STIM1: variants seen among roughly 807,000 people sequenced by gnomAD.
STIM1 encodes stromal interaction molecule 1.
Under a neutral mutation model 74.7 loss-of-function variants are expected in STIM1, and 25 were observed. That is an observed-to-expected ratio of 0.33 (90% CI 0.24 to 0.47). The LOEUF is 0.47. STIM1 is among the 20% of genes least tolerant of loss of function. STIM1 has a pLI of 1.00. For missense variants in STIM1, 728 were observed against 920.8 expected (o/e 0.79, Z 2.71); for synonymous variants, 328 against 348.8 (o/e 0.94, Z 0.66).
At chr11:3,980,287 CTTGT>C (rs2093489347) in intron 2 of STIM1, among the ~76,000 whole-genome samples, 1 of 152,138 alleles carries the variant, frequency 6.6e-6, no homozygotes, top group South Asian at 2.1e-4. Flanking sequence ...CTTACTTTTG[CTTGT>C]TTAATTAATC....
At chr11:4,014,433 G>C (rs2093875007) in intron 2 of STIM1, among the ~76,000 whole-genome samples, 1 of 152,206 alleles carries the variant, frequency 6.6e-6, no homozygotes, top group South Asian at 2.1e-4. Flanking sequence ...TGTGATTTCT[G>C]TTCTTTTACA....
rs57908154 is a variant in STIM1 at position 3,904,196 on chromosome 11, C to CA, written c.139+47810dup. 3.9e-3 allele frequency among the ~76,000 whole-genome samples: 291 copies of CA among 73,816 alleles called. 3 individuals are homozygous for CA. The highest frequency in any genetic ancestry group is 0.011 in the African/African-American group (199 of 17,410). The allele number at this position is 73,816 out of a possible 152,430, so 48.4% of individuals were successfully genotyped here. A position where few individuals can be genotyped will look rare whatever the true frequency, so the allele number is the denominator to read the frequency against. On this transcript the variant is annotated intron_variant, in intron 1 of 12. Coordinates refer to ENST00000526596, the MANE Select transcript of STIM1 (RefSeq NM_001382567.1). ...TGGGTGACAGAGTGAGACTCTGTCT[C>CA]AAAAAAAAAAAAAAAAAAAAAAAGA...
chr11:3,997,706 C>T (rs2093675587), intron 2 of STIM1, among the ~76,000 whole-genome samples: 1 of 152,034 alleles, frequency 6.6e-6, no homozygotes, highest in Admixed American at 6.6e-5. Flanking sequence ...TTAAGTAATT[C>T]ATTATCATTG....
chr11:3,895,660 T>C (rs1590537630), intron 1 of STIM1, among the ~76,000 whole-genome samples: 2 of 24,938 alleles, frequency 8.0e-5, no homozygotes, highest in African/African-American at 3.8e-4. Flanking sequence ...CTTTCTTTCT[T>C]TCTTTCTTTC....
intron 1 of STIM1, among the ~76,000 whole-genome samples, chr11:3,942,414 C>G (rs2093022641): frequency 6.6e-6 from 1 of 152,172 alleles, no homozygotes; most frequent in African/African-American, 2.4e-5. Flanking sequence ...CCAGGCTGAT[C>G]TGGCATTTGG....
At chr11:3,876,190 G>A (rs1235339401) in intron 1 of STIM1, among the ~76,000 whole-genome samples, 1 of 152,184 alleles carries the variant, frequency 6.6e-6, no homozygotes, top group African/African-American at 2.4e-5. Context: ...TACTATTATT[G>A]TCATACTTAG....
At chr11:3,944,061 A>G (rs1025750107) in intron 1 of STIM1, among the ~76,000 whole-genome samples, 1 of 152,238 alleles carries the variant, frequency 6.6e-6, no homozygotes, top group East Asian at 1.9e-4. Context: ...TAGTGAATGA[A>G]CAGATGAATT....
intron 2 of STIM1, among the ~76,000 whole-genome samples, chr11:4,016,588 T>A (rs967426395): frequency 6.6e-5 from 10 of 152,232 alleles, no homozygotes; most frequent in African/African-American, 2.4e-4. Flanking sequence ...TTCAGAGCTG[T>A]CAGGCAGGGA....
rs1419974783 is a variant in STIM1, at chr11:3,856,034, G to A, written c.-237G>A. 3 of 560,150 alleles carry A rather than the reference G, an allele frequency of 5.4e-6. No homozygotes were observed. The highest frequency in any genetic ancestry group is 3.8e-5 in the African/African-American group (2 of 52,942). The allele number at this position is 560,150 out of a possible 1,614,324, so 34.7% of individuals were successfully genotyped here. On this transcript the variant is annotated 5_prime_UTR_variant, in exon 1 of 13. Transcript: ENST00000526596. ...TCCGGAAGCGGCACGAGCTCAGGCC[G>A]CCGCAGCCCCGGCGGACCCACTGTT...
At chr11:3,976,549 A>AT (rs2093450105) in intron 2 of STIM1, among the ~76,000 whole-genome samples, 1 of 152,196 alleles carries the variant, frequency 6.6e-6, no homozygotes, top group African/African-American at 2.4e-5. Context: ...TCATATGTTA[A>AT]TTTTTTTAAA....
chr11:3,941,909 T>G (rs1271304412), intron 1 of STIM1, among the ~76,000 whole-genome samples: 3 of 152,032 alleles, frequency 2.0e-5, no homozygotes, highest in Non-Finnish European at 4.4e-5. Flanking sequence ...GGTCTTGAAC[T>G]CCTGGAGTCA....
At chr11:3,863,636 T>C (rs2090730479) in intron 1 of STIM1, among the ~76,000 whole-genome samples, 2 of 152,108 alleles carry the variant, frequency 1.3e-5, no homozygotes, top group Non-Finnish European at 2.9e-5. Flanking sequence ...AGTAGCATGA[T>C]GAAATCTCAT....
At chr11:3,935,665 C>T (rs916557579) in intron 1 of STIM1, among the ~76,000 whole-genome samples, 2 of 152,202 alleles carry the variant, frequency 1.3e-5, no homozygotes, top group African/African-American at 4.8e-5. Flanking sequence ...TCGATTTTCC[C>T]AGTGTTAAAT....
At chr11:4,076,485 C>CAAAAAAAAAAAAA (rs58804386) in intron 7 of STIM1, among the ~76,000 whole-genome samples, 1 of 40,756 alleles carries the variant, frequency 2.5e-5, no homozygotes, top group African/African-American at 1.1e-4. Flanking sequence ...GACTCCATCT[C>CAAAAAAAAAAAAA]AAAAAAAAAA....
chr11:4,061,455 T>C (rs2094330092), intron 5 of STIM1, among the ~76,000 whole-genome samples: 1 of 152,210 alleles, frequency 6.6e-6, no homozygotes, highest in Non-Finnish European at 1.5e-5. Context: ...TCACACTGAC[T>C]GGGATACTTA....
intron 8 of STIM1, 81 bp from the exon 9 acceptor site, chr11:4,082,801 C>G: frequency 1.7e-6 from 2 of 1,180,330 alleles, no homozygotes; most frequent in Non-Finnish European, 2.5e-6. Flanking sequence ...GGAGTGGGCC[C>G]CAGCCATAGG....
chr11:3,901,297 A>G (rs747382053), intron 1 of STIM1, among the ~76,000 whole-genome samples: 1 of 152,236 alleles, frequency 6.6e-6, no homozygotes, highest in Non-Finnish European at 1.5e-5. Flanking sequence ...GGAGGCTTTA[A>G]TATGATAAGG....
At position 4,082,922 on chromosome 11, in the gene STIM1, C is replaced by A; in HGVS notation, c.1178C>A (p.Thr393Asn). The change falls in exon 9 of 13, where the codon ACC becomes AAC. Residue 393 changes from threonine to asparagine, a missense_variant. By Grantham distance (65) the Thr-to-Asn change is moderately conservative. This residue lies in a region of STIM1 where 131 missense variants were observed against 235.9 expected (regional missense o/e 0.56). Transcript: ENST00000526596. ...AAGAAGAGAAACACACTCTTTGGCA[C>A]CTTCCACGTGGCCCACAGCTCTTCC... is the stretch of plus-strand genomic sequence containing the variant. Reference protein sequence around the residue: ...IKKKRNTLFGTFHVAHSSSLD... With the variant: ...IKKKRNTLFGNFHVAHSSSLD... The A allele has an allele frequency of 6.2e-7, 1 of 1,614,160 alleles. No homozygotes were observed. The highest frequency in any genetic ancestry group is 1.1e-5 in the South Asian group (1 of 91,076).
In STIM1 at chr11:4,064,183, G is replaced by T. The variant is rs765759211; in HGVS notation, c.613+4787G>T. Among the ~76,000 whole-genome samples the T allele has an allele frequency of 3.9e-5, 6 of 152,162 alleles. No individual in the cohort carries two copies. In the East Asian group the frequency reaches 7.7e-4, roughly 19 times the overall value. On this transcript the variant is annotated intron_variant, in intron 5 of 12. Coordinates refer to ENST00000526596, the MANE Select transcript of STIM1 (RefSeq NM_001382567.1). Reference sequence around the variant, plus strand: ...AATATTGTTTTTATATTTTTCTACTGATGCTTGTCAAAGGAAATATTTGAA... The same window carrying T: ...AATATTGTTTTTATATTTTTCTACTTATGCTTGTCAAAGGAAATATTTGAA...
Sources: gnomAD v4.1 joint callset for allele counts (sites outside exome capture counted in the v4.1 genomes callset) on GRCh38, gnomAD v4.1.1 for gene constraint, gnomAD v4.1.1 regional missense constraint, MANE v1.5 for transcripts, NCBI Gene and HGNC (gene_info 2026-07-23, HGNC 2026-07-21) for gene names.